TBC1D32: variants seen among roughly 807,000 people sequenced by gnomAD.
TBC1D32 encodes the protein protein broad-minded.
TBC1D32 carries 151 observed loss-of-function variants against 170.3 expected under a neutral mutation model. That is an observed-to-expected ratio of 0.89 (90% CI 0.78 to 1.01). The LOEUF (loss-of-function observed/expected upper bound fraction) is 1.01, where lower values mean the gene tolerates loss of function less well. Ranked by LOEUF, TBC1D32 falls within the 50% of genes least tolerant of loss-of-function variation. The pLI, the probability that TBC1D32 is intolerant of heterozygous loss-of-function variation, is 0.00. For missense variants in TBC1D32, 1,464 were observed against 1,457.1 expected (o/e 1.00, Z -0.08); for synonymous variants, 498 against 488.0 (o/e 1.02, Z -0.27).
At chr6:121,298,457 G>C (rs1408302233) in intron 10 of TBC1D32, among the ~76,000 whole-genome samples, 1 of 151,890 alleles carries the variant, frequency 6.6e-6, no homozygotes, top group African/African-American at 2.4e-5. Context: ...ATAAACCATG[G>C]GGAAAATCAT....
upstream of TBC1D32, chr6:121,334,581 C>A: frequency 1.2e-6 from 1 of 865,662 alleles, no homozygotes; most frequent in Non-Finnish European, 1.8e-6. Context: ...GCGCCCTCAG[C>A]TGCCAGTGCG....
In TBC1D32 at chr6:121,247,638, G is replaced by A. The variant is rs574329637; in HGVS notation, c.2019-5299C>T. Reference sequence around the variant, plus strand: ...TGAAAAAAGACATTCCACACAAATAGAAACCAAAACCAAGTAGAAGTAGCT... The same window carrying A: ...TGAAAAAAGACATTCCACACAAATAAAAACCAAAACCAAGTAGAAGTAGCT... On this transcript the variant is annotated intron_variant, in intron 17 of 31. Transcript: ENST00000398212. Among the ~76,000 whole-genome samples the A allele has an allele frequency of 3.7e-3, 309 of 84,594 alleles. 2 individuals carry two copies. The highest frequency in any genetic ancestry group is 4.1e-3 in the Non-Finnish European group (183 of 44,622). The allele number at this position is 84,594 out of a possible 152,430, so 55.5% of individuals were successfully genotyped here.
At chr6:121,245,324 C>T (rs1407634008) in intron 17 of TBC1D32, among the ~76,000 whole-genome samples, 1 of 152,178 alleles carries the variant, frequency 6.6e-6, no homozygotes, top group Non-Finnish European at 1.5e-5. Context: ...AGCCTGGCAG[C>T]CCTACTGGGT....
chr6:121,301,531 C>T (rs909933398), intron 9 of TBC1D32, among the ~76,000 whole-genome samples: 1 of 151,916 alleles, frequency 6.6e-6, no homozygotes, highest in African/African-American at 2.4e-5. Flanking sequence ...ACACCAGGGC[C>T]TGTTTGGGGG....
chr6:121,305,480 G>A (rs867892379), intron 5 of TBC1D32, among the ~76,000 whole-genome samples: 3 of 151,752 alleles, frequency 2.0e-5, no homozygotes, highest in African/African-American at 7.3e-5. Context: ...AATCCTAATA[G>A]TGAAATTCAA....
intron 26 of TBC1D32, among the ~76,000 whole-genome samples, chr6:121,122,151 C>A (rs901955875): frequency 1.1e-4 from 16 of 152,052 alleles, no homozygotes; most frequent in Admixed American, 9.2e-4. Context: ...ACCCCACATT[C>A]AATCTGTTAA....
At chr6:121,135,886 C>T (rs1313917806) in intron 24 of TBC1D32, among the ~76,000 whole-genome samples, 3 of 152,040 alleles carry the variant, frequency 2.0e-5, no homozygotes, top group African/African-American at 7.2e-5. Context: ...TATACATCCA[C>T]CCTAACAAAA....
rs534156760 is a variant in TBC1D32, at chr6:121,290,945, G to C, written c.1372+1108C>G. ...ATGTTCTCACTCATAGGTGGGAATTGAACAATGAGAACACATGGACACAGG... is the reference window on the plus strand; with the variant it reads ...ATGTTCTCACTCATAGGTGGGAATTCAACAATGAGAACACATGGACACAGG... On this transcript the variant is annotated intron_variant, in intron 12 of 31. Transcript: ENST00000398212. Among the ~76,000 whole-genome samples the C allele has an allele frequency of 2.9e-3, 431 of 146,176 alleles. 3 individuals are homozygous for C. The highest frequency in any genetic ancestry group is 0.01 in the African/African-American group (410 of 39,198).
chr6:121,239,587 GGAGA>G (rs1196179964), intron 19 of TBC1D32, among the ~76,000 whole-genome samples: 1 of 152,066 alleles, frequency 6.6e-6, no homozygotes, highest in African/African-American at 2.4e-5. Context: ...GGTGAGGGGA[GGAGA>G]GAAAGAGGTA....
intron 22 of TBC1D32, among the ~76,000 whole-genome samples, chr6:121,184,956 T>C (rs1044910006): frequency 6.6e-6 from 1 of 151,958 alleles, no homozygotes; most frequent in African/African-American, 2.4e-5. Context: ...TTGAAGAACA[T>C]TCACAAGTCA....
At chr6:121,140,148 T>G (rs1474619875) in intron 24 of TBC1D32, among the ~76,000 whole-genome samples, 1 of 152,092 alleles carries the variant, frequency 6.6e-6, no homozygotes, top group Non-Finnish European at 1.5e-5. Flanking sequence ...CAAGGACATT[T>G]GACTCATACA....
At position 121,330,051 on chromosome 6, in the gene TBC1D32, T is replaced by C. The variant is rs75436743; in HGVS notation, c.155+4225A>G. Among the ~76,000 whole-genome samples, 19 of 152,232 alleles carry C rather than the reference T, an allele frequency of 1.2e-4. No individual in the cohort carries two copies. The East Asian group carries it at 3.7e-3, about 29-fold the overall frequency. On this transcript the variant is annotated intron_variant, in intron 1 of 31. Coordinates refer to ENST00000398212, the MANE Select transcript of TBC1D32 (RefSeq NM_152730.6). Reference sequence around the variant, plus strand: ...AGAATGAATACTTTCTTATTTTATTTTATTTTATTTATTTTGTTTTATTTT... The same window carrying C: ...AGAATGAATACTTTCTTATTTTATTCTATTTTATTTATTTTGTTTTATTTT...
chr6:121,260,854 T>C (rs958647152), intron 15 of TBC1D32, among the ~76,000 whole-genome samples: 2 of 152,190 alleles, frequency 1.3e-5, no homozygotes, highest in Non-Finnish European at 2.9e-5. Flanking sequence ...CCAACACTGC[T>C]GCGGCTAGCT....
intron 22 of TBC1D32, chr6:121,162,828 G>C (rs1785924334): frequency 1.3e-5 from 1 of 76,738 alleles, no homozygotes; most frequent in Admixed American, 1.6e-4. Context: ...CATCTCACTA[G>C]GGAGTGCCAG....
chr6:121,209,412 C>G (rs1190472255), intron 21 of TBC1D32, among the ~76,000 whole-genome samples: 1 of 152,132 alleles, frequency 6.6e-6, no homozygotes, highest in Non-Finnish European at 1.5e-5. Context: ...CTATGTTGTA[C>G]AGTAGATCTT....
At chr6:121,161,848 T>A (rs1177953252) in intron 22 of TBC1D32, among the ~76,000 whole-genome samples, 1 of 152,220 alleles carries the variant, frequency 6.6e-6, no homozygotes, top group Admixed American at 6.5e-5. Context: ...GCATCTGTTG[T>A]TTTTTGACTT....
intron 25 of TBC1D32, among the ~76,000 whole-genome samples, chr6:121,127,438 T>G (rs1388135274): frequency 6.6e-6 from 1 of 152,132 alleles, no homozygotes; most frequent in Non-Finnish European, 1.5e-5. Context: ...ATTTCAAAGT[T>G]GAATAAGTAT....
intron 9 of TBC1D32, among the ~76,000 whole-genome samples, chr6:121,301,655 C>G (rs1806498533): frequency 1.3e-5 from 2 of 152,016 alleles, no homozygotes; most frequent in African/African-American, 4.8e-5. Flanking sequence ...CCTGCACGTT[C>G]TGCACATGTA....
intron 24 of TBC1D32, among the ~76,000 whole-genome samples, chr6:121,151,097 G>C (rs915344618): frequency 2.0e-5 from 3 of 152,020 alleles, no homozygotes; most frequent in African/African-American, 4.8e-5. Context: ...TGTGATATCA[G>C]GGTGTCGATT....
Sources: gnomAD v4.1 joint callset for allele counts (sites outside exome capture counted in the v4.1 genomes callset) on GRCh38, gnomAD v4.1.1 for gene constraint, MANE v1.5 for transcripts, NCBI Gene and HGNC (gene_info 2026-07-23, HGNC 2026-07-21) for gene names.